Variants in OPN5 observed in about 807,000 individuals in gnomAD.
The protein encoded by OPN5 is opsin 5.
OPN5 carries 18 observed loss-of-function variants against 41.7 expected under a neutral mutation model. The observed-to-expected ratio is 0.43, with a 90% confidence interval of 0.30 to 0.64. The LOEUF (loss-of-function observed/expected upper bound fraction) is 0.64. Ranked by LOEUF, OPN5 falls within the 30% of genes least tolerant of loss-of-function variation. OPN5 has a pLI of 0.13. For synonymous variants in OPN5, 178 were observed against 164.3 expected, an observed-to-expected ratio of 1.08 and a Z score of -0.64; for missense variants, 318 against 434.5, an observed-to-expected ratio of 0.73 and a Z score of 2.38.
At chr6:47,817,807 C>T (rs1762476279) in intron 6 of OPN5, among the ~76,000 whole-genome samples, 1 of 151,996 alleles carries the variant, frequency 6.6e-6, no homozygotes, top group African/African-American at 2.4e-5. Flanking sequence ...TGAAAGTATC[C>T]CTGGATACTG....
chr6:47,817,978 A>G (rs1762481989), intron 6 of OPN5, among the ~76,000 whole-genome samples: 1 of 152,172 alleles, frequency 6.6e-6, no homozygotes, highest in South Asian at 2.1e-4. Context: ...AGGGAAGGGG[A>G]AAATGAAGCT....
intron 4 of OPN5, among the ~76,000 whole-genome samples, chr6:47,799,946 C>CT (rs200705448): frequency 4.7e-5 from 7 of 148,210 alleles, no homozygotes; most frequent in Non-Finnish European, 7.6e-5. Context: ...TTCAAAGTCA[C>CT]TTTTTTTCCC....
exon 5 of OPN5, chr6:47,808,370 A>G: frequency 6.2e-7 from 1 of 1,614,090 alleles, no homozygotes; most frequent in East Asian, 2.2e-5. Context: ...GAAAGCAACC[A>G]AGAAGAAGTC....
intron 3 of OPN5, 152 bp from the exon 4 acceptor site, chr6:47,795,077 T>G: frequency 1.6e-6 from 1 of 621,186 alleles, no homozygotes; most frequent in Non-Finnish European, 2.7e-6. Flanking sequence ...CTTTTTTCCG[T>G]TTACTCCACT....
intron 4 of OPN5, among the ~76,000 whole-genome samples, chr6:47,801,703 C>A (rs536186498): frequency 1.6e-4 from 24 of 152,150 alleles, no homozygotes; most frequent in Non-Finnish European, 3.4e-4. Context: ...GAACATATCA[C>A]AATTTTTAAT....
chr6:47,805,962 G>A (rs9463360), intron 4 of OPN5, among the ~76,000 whole-genome samples: 20,489 of 151,822 alleles, frequency 0.13, 1,475 homozygotes, highest in Middle Eastern at 0.16. Flanking sequence ...CCCCAAGGTG[G>A]GTCTGATCAA....
chr6:47,782,283 T>C, intron 1 of OPN5, 87 bp downstream of exon 1: 1 of 1,338,584 alleles, frequency 7.5e-7, no homozygotes, highest in Non-Finnish European at 1.0e-6. Flanking sequence ...ATTCTGATAC[T>C]TAAGTGGATA....
intron 6 of OPN5, among the ~76,000 whole-genome samples, chr6:47,819,869 T>C (rs1762548481): frequency 6.6e-6 from 1 of 152,146 alleles, no homozygotes; most frequent in African/African-American, 2.4e-5. Context: ...GTATAAAAGG[T>C]TGAAACTTGA....
At chr6:47,789,587 C>T (rs1485688020) in intron 2 of OPN5, among the ~76,000 whole-genome samples, 3 of 152,134 alleles carry the variant, frequency 2.0e-5, no homozygotes, top group Non-Finnish European at 2.9e-5. Context: ...CTTGTGGACT[C>T]ATTGGAATTA....
At chr6:47,818,041 A>G (rs1461305930) in intron 6 of OPN5, among the ~76,000 whole-genome samples, 1 of 152,182 alleles carries the variant, frequency 6.6e-6, no homozygotes, top group Non-Finnish European at 1.5e-5. Context: ...TTGACTACTT[A>G]GAGCTAATTT....
intron 6 of OPN5, among the ~76,000 whole-genome samples, chr6:47,813,072 AAC>A (rs1428067622): frequency 5.2e-5 from 1 of 19,088 alleles, no homozygotes; most frequent in Non-Finnish European, 1.7e-4. Flanking sequence ...TGATTAAAAC[AAC>A]AACAACAACA....
intron 4 of OPN5, among the ~76,000 whole-genome samples, chr6:47,802,593 T>C (rs1165765887): frequency 6.6e-6 from 1 of 152,210 alleles, no homozygotes; most frequent in African/African-American, 2.4e-5. Flanking sequence ...TAAAGGTCTC[T>C]GGCAATGGCT....
chr6:47,806,987 G>A (rs1773993523), intron 4 of OPN5, among the ~76,000 whole-genome samples: 1 of 152,074 alleles, frequency 6.6e-6, no homozygotes, highest in African/African-American at 2.4e-5. Flanking sequence ...GTGAAACCCT[G>A]TCTCTACAAA....
At chr6:47,803,828 C>T (rs755267195) in intron 4 of OPN5, among the ~76,000 whole-genome samples, 5 of 152,184 alleles carry the variant, frequency 3.3e-5, no homozygotes, top group Non-Finnish European at 5.9e-5. Context: ...ACTCACACTG[C>T]TCAGTCGAGC....
intron 4 of OPN5, among the ~76,000 whole-genome samples, chr6:47,806,290 A>C (rs1002897766): frequency 6.6e-6 from 1 of 152,204 alleles, no homozygotes; most frequent in Non-Finnish European, 1.5e-5. Context: ...GTGTAAGGAT[A>C]CTTTGAAGTT....
chr6:47,817,774 G>A (rs749044454), intron 6 of OPN5, among the ~76,000 whole-genome samples: 1 of 152,210 alleles, frequency 6.6e-6, no homozygotes, highest in Non-Finnish European at 1.5e-5. Flanking sequence ...GGGCAGTTGT[G>A]TAAGAGCAAG....
At chr6:47,816,669 A>G (rs547999381) in intron 6 of OPN5, among the ~76,000 whole-genome samples, 46 of 152,058 alleles carry the variant, frequency 3.0e-4, no homozygotes, top group Non-Finnish European at 5.3e-4. Flanking sequence ...AGCAGACTTG[A>G]TCTCAAACTC....
At chr6:47,808,389 G>A (rs369140719) in exon 5 of OPN5, 2 of 1,613,866 alleles carry the variant, frequency 1.2e-6, no homozygotes, top group Non-Finnish European at 1.7e-6. Flanking sequence ...TCTCTGGAAG[G>A]CTTCAGGTAA....
chr6:47,808,450 A>G (rs1220144394), intron 5 of OPN5, 55 bp downstream of exon 5: 13 of 1,596,238 alleles, frequency 8.1e-6, no homozygotes, highest in Non-Finnish European at 1.1e-5. Context: ...AAAATCCGGC[A>G]GGGTTCAAGG....
Sources: allele counts gnomAD v4.1 joint callset (sites outside exome capture counted in the v4.1 genomes callset), GRCh38; gene constraint gnomAD v4.1.1; transcripts MANE v1.5; gene names NCBI Gene and HGNC (gene_info 2026-07-23, HGNC 2026-07-21).